Variants in ZNF594 observed in about 807,000 individuals in gnomAD.
ZNF594 encodes the protein zinc finger protein HZF18.
For synonymous variants in ZNF594, 336 were observed against 309.4 expected (o/e 1.09, Z -0.90); for missense variants, 1,037 against 964.6 (o/e 1.08, Z -0.99).
chr17:5,184,721 T>A (rs2074375198), intron 1 of ZNF594, among the ~76,000 whole-genome samples: 1 of 152,076 alleles, frequency 6.6e-6, no homozygotes. Flanking sequence ...AATAAATAAA[T>A]AAAAATAGAA....
chr17:5,183,425 G>C lies in ZNF594; in HGVS notation c.832C>G (p.Gln278Glu), dbSNP rs1291704701. Residue 278 changes from glutamine (Q) to glutamate (E), a missense_variant, in exon 2 of 2, where the codon CAA (glutamine) becomes GAA (glutamate). Physicochemically the swap from Gln to Glu is conservative, Grantham distance 29. Coordinates refer to ENST00000575779, the MANE Select transcript of ZNF594 (RefSeq NM_032530.2). ...ECYDCGQMFS[Q>E]SSHLVPHQRI... ...TGATGTGGGACAAGGTGTGAACTTT[G>C]ACTGAACATCTGTCCACAGTCATAA... The C allele has an allele frequency of 1.1e-5, 18 of 1,613,652 alleles. No homozygotes were observed. In the African/African-American group the frequency reaches 2.0e-4, roughly 18 times the overall value.
At position 5,184,163 on chromosome 17, in the gene ZNF594, A is replaced by G. The variant is rs2074371093; in HGVS notation, c.94T>C (p.Cys32Arg). ...GAATTACTGGTTTCAACTAACTCACATTCCTGGGTGATTTGTCTTTGGAGT... is the reference window on the plus strand; with the variant it reads ...GAATTACTGGTTTCAACTAACTCACGTTCCTGGGTGATTTGTCTTTGGAGT... ...EKLQRQITQE[C>R]ELVETSNSED... The change falls in exon 2 of 2, where the codon TGT becomes CGT. Residue 32 changes from cysteine to arginine, a missense_variant. Transcript: ENST00000575779. 1.2e-6 allele frequency: 2 copies of G among 1,614,044 alleles called. No individual in the cohort carries two copies. The highest frequency in any genetic ancestry group is 1.7e-5 in the Admixed American group (1 of 60,000).
chr17:5,189,039 G>A (rs1010629317), intron 1 of ZNF594, among the ~76,000 whole-genome samples: 8 of 150,312 alleles, frequency 5.3e-5, no homozygotes, highest in East Asian at 3.9e-4. Context: ...GAGCCACCAC[G>A]CCCAGCCAAA....
rs753917206 is a variant in ZNF594 at position 5,182,772 on chromosome 17, T to A, written c.1485A>T (p.Lys495Asn). 1 of 1,614,000 alleles carries A rather than the reference T, an allele frequency of 6.2e-7. No homozygotes were observed. Among genetic ancestry groups the A allele is most frequent in the South Asian group, 1.1e-5 (1 of 91,066 alleles). Reference protein sequence around the residue: ...EKPYQCTECGKAFRRRSLLIQ... With the variant: ...EKPYQCTECGNAFRRRSLLIQ... ...TAAGGAGTGAACGCCGCCTGAAGGC[T>A]TTCCCACATTCAGTGCACTGATAGG... Residue 495 changes from lysine to asparagine, a missense_variant, in exon 2 of 2, where the codon AAA (lysine) becomes AAT (asparagine). Transcript: ENST00000575779.
At position 5,182,077 on chromosome 17, in the gene ZNF594, T is replaced by C. The variant is rs747927124; in HGVS notation, c.2180A>G (p.Gln727Arg). The change falls in exon 2 of 2, where the codon CAG (glutamine) becomes CGG (arginine). Residue 727 changes from glutamine to arginine, a missense_variant. By Grantham distance (43) the Gln-to-Arg change is conservative (BLOSUM62 1). Coordinates refer to ENST00000575779, the MANE Select transcript of ZNF594 (RefSeq NM_032530.2). Reference sequence around the variant, plus strand: ...AAGTTTCTCTCCAGCATGCAGTCTCTGATGTTTGAGGAAAGCCGTGTGCCA... The same window carrying C: ...AAGTTTCTCTCCAGCATGCAGTCTCCGATGTTTGAGGAAAGCCGTGTGCCA... ...FMWHTAFLKH[Q>R]RLHAGEKLEE... The C allele has an allele frequency of 4.3e-6, 7 of 1,613,712 alleles. No homozygotes were observed. Among genetic ancestry groups the C allele is most frequent in the Middle Eastern group, 1.6e-4 (1 of 6,062 alleles).
Position 5,183,342 on chromosome 17 carries a change from C to T in ZNF594, c.915G>A (p.Arg305=), listed in dbSNP as rs1345730999. 1.2e-6 allele frequency: 2 copies of T among 1,613,742 alleles called. No individual in the cohort carries two copies. Among genetic ancestry groups the T allele is most frequent in the Admixed American group, 3.3e-5 (2 of 60,018 alleles). Residue 305 remains arginine, a synonymous_variant, in exon 2 of 2, where the codon AGG becomes AGA. Transcript: ENST00000575779. The stretch of plus-strand genomic sequence containing the variant: ...GGTGTTCAGTAAGGTGAGAATGCTG[C>T]CTGAAGGCTTTTTCACATTCATTAC... ...LKCNECEKAF[R]QHSHLTEHQR...
Position 5,181,505 on chromosome 17 carries a change from T to C in ZNF594, c.*328A>G. On this transcript the variant is annotated 3_prime_UTR_variant, in exon 2 of 2. Coordinates refer to ENST00000575779, the MANE Select transcript of ZNF594 (RefSeq NM_032530.2). Reference sequence around the variant, plus strand: ...TCTCTCCAGCATGCAGTCTCTGATGTTTGAGGAAAGCTGTGTGCCACATGA... The same window carrying C: ...TCTCTCCAGCATGCAGTCTCTGATGCTTGAGGAAAGCTGTGTGCCACATGA... 2 of 1,613,816 alleles carry C rather than the reference T, an allele frequency of 1.2e-6. No individual in the cohort carries two copies. The highest frequency in any genetic ancestry group is 8.5e-7 in the Non-Finnish European group (1 of 1,179,802).
rs138645027 is a variant in ZNF594, at chr17:5,182,422, A to C, written c.1835T>G (p.Leu612Arg). ...GKTFNQSSDL[L>R]RHHRIHSGEK... ...TCCACTGTGAATTCTATGATGTCTC[A>C]GAAGGTCTGAGCTCTGATTGAAAGT... Residue 612 changes from leucine to arginine, a missense_variant, in exon 2 of 2, where the codon CTG becomes CGG. By Grantham distance (102) the Leu-to-Arg change is moderately radical. Transcript: ENST00000575779. 8.4e-5 allele frequency: 136 copies of C among 1,613,756 alleles called. No homozygotes were observed. The Admixed American group carries it at 2.3e-3, about 27-fold the overall frequency.
Position 5,180,928 on chromosome 17 carries a change from G to C in ZNF594, c.*905C>G, listed in dbSNP as rs757365250. The stretch of plus-strand genomic sequence containing the variant: ...TTTCCTAGTTTTACTGCATTCATTA[G>C]GTTTCTGCTACCTATTAGAATAGGT... On this transcript the variant is annotated 3_prime_UTR_variant, in exon 2 of 2. Coordinates refer to ENST00000575779, the MANE Select transcript of ZNF594 (RefSeq NM_032530.2). The C allele has an allele frequency of 3.1e-6, 2 of 652,744 alleles. No homozygotes were observed. The highest frequency in any genetic ancestry group is 5.6e-6 in the Non-Finnish European group (2 of 356,252). The allele number at this position is 652,744 out of a possible 1,614,324, so 40.4% of individuals were successfully genotyped here.
intron 1 of ZNF594, among the ~76,000 whole-genome samples, chr17:5,187,628 A>T (rs1373362939): frequency 6.6e-6 from 1 of 152,214 alleles, no homozygotes; most frequent in Non-Finnish European, 1.5e-5. Flanking sequence ...CCACTTAATG[A>T]TGGGGAAACC....
rs8065086 is a variant in ZNF594, at chr17:5,191,069, C to T, written c.-21+679G>A. Among the ~76,000 whole-genome samples, 1,094 of 152,220 alleles carry T rather than the reference C, an allele frequency of 7.2e-3. 16 individuals are homozygous for T. Among genetic ancestry groups the T allele is most frequent in the African/African-American group, 0.025 (1,045 of 41,536 alleles). ...TTGCTTCAGCTAAAATCCCCCCTCC[C>T]CTATTTAGACCACGGTATAAAAACA... On this transcript the variant is annotated intron_variant, in intron 1 of 1. Transcript: ENST00000575779.
At chr17:5,179,273 C>T (rs1010016397), downstream of ZNF594, among the ~76,000 whole-genome samples, 3 of 146,254 alleles carry the variant, frequency 2.1e-5, no homozygotes, top group South Asian at 2.7e-4. Flanking sequence ...CTCACCAGGC[C>T]GGAGACGTTG....
Position 5,182,649 on chromosome 17 carries a change from G to T in ZNF594, c.1608C>A (p.Ser536Arg), listed in dbSNP as rs755171341. ...IWRTAFLKHQSLHTGEKLECE... is the reference protein window; with the variant it reads ...IWRTAFLKHQRLHTGEKLECE... ...ATTCAAGTTTCTCTCCAGTATGCAG[G>T]CTCTGATGTTTGAGGAAAGCTGTGC... is the stretch of plus-strand genomic sequence containing the variant. The change falls in exon 2 of 2, where the codon AGC becomes AGA. Residue 536 changes from serine (S) to arginine (R), a missense_variant. Ser to Arg is a moderately radical substitution (Grantham distance 110). Transcript: ENST00000575779. 17 of 1,613,260 alleles carry T rather than the reference G, an allele frequency of 1.1e-5. No homozygotes were observed. Among genetic ancestry groups the T allele is most frequent in the Middle Eastern group, 1.7e-4 (1 of 6,054 alleles).
rs1216903929 is a variant in ZNF594 at position 5,180,868 on chromosome 17, T to C, written c.*965A>G. The C allele has an allele frequency of 2.1e-6, 1 of 474,554 alleles. No homozygotes were observed. Among genetic ancestry groups the C allele is most frequent in the Admixed American group, 3.3e-5 (1 of 30,006 alleles). The allele number at this position is 474,554 out of a possible 1,614,324, so 29.4% of individuals were successfully genotyped here. A position where few individuals can be genotyped will look rare whatever the true frequency, so the allele number is the denominator to read the frequency against. ...CATGGTTTTTTTCTAATAAAACTCA[T>C]TTGTAGTGCAATAAGATGTGGTCTC... is the stretch of plus-strand genomic sequence containing the variant. On this transcript the variant is annotated 3_prime_UTR_variant, in exon 2 of 2. Coordinates refer to ENST00000575779, the MANE Select transcript of ZNF594 (RefSeq NM_032530.2).
chr17:5,184,400 G>T, intron 1 of ZNF594, 124 bp from the exon 2 acceptor site: 3 of 1,000,988 alleles, frequency 3.0e-6, no homozygotes, highest in Non-Finnish European at 4.3e-6. Flanking sequence ...AAGCTGAGAT[G>T]TGGCTTTCAC....
Position 5,181,439 on chromosome 17 carries a change from C to A in ZNF594, c.*394G>T. Reference sequence around the variant, plus strand: ...GGTGAATTTTCTGCTCTCCCCTAAGCTCCTCATCCTTGCTGAAGGTTTTCT... The same window carrying A: ...GGTGAATTTTCTGCTCTCCCCTAAGATCCTCATCCTTGCTGAAGGTTTTCT... On this transcript the variant is annotated 3_prime_UTR_variant, in exon 2 of 2. Coordinates refer to ENST00000575779, the MANE Select transcript of ZNF594 (RefSeq NM_032530.2). 1.2e-6 allele frequency: 2 copies of A among 1,613,790 alleles called. No individual in the cohort carries two copies. The highest frequency in any genetic ancestry group is 1.7e-6 in the Non-Finnish European group (2 of 1,179,718).
chr17:5,175,068 TCTC>T (rs2074295276), downstream of ZNF594: 1 of 176,192 alleles, frequency 5.7e-6, no homozygotes, highest in Non-Finnish European at 1.2e-5. Context: ...CTGTTTTAAT[TCTC>T]CTACTTGAAT....
rs750199608 is a variant in ZNF594 at position 5,183,667 on chromosome 17, T to C, written c.590A>G (p.Asn197Ser). 6.8e-6 allele frequency: 11 copies of C among 1,614,128 alleles called. No individual in the cohort carries two copies. The highest frequency in any genetic ancestry group is 4.5e-5 in the East Asian group (2 of 44,900). Residue 197 changes from asparagine to serine, a missense_variant, in exon 2 of 2, where the codon AAT becomes AGT. Asn to Ser is a conservative substitution (Grantham distance 46). Coordinates refer to ENST00000575779, the MANE Select transcript of ZNF594 (RefSeq NM_032530.2). ...GTGAATTTGCTTATGTCTCACCAGATTGGAGCTCTGATTGAAGTCTTTTCC... is the reference window on the plus strand; with the variant it reads ...GTGAATTTGCTTATGTCTCACCAGACTGGAGCTCTGATTGAAGTCTTTTCC... ...ECGKDFNQSS[N>S]LVRHKQIHSG...
Position 5,183,468 on chromosome 17 carries a change from T to C in ZNF594, c.789A>G (p.Gly263=). The C allele has an allele frequency of 1.9e-6, 3 of 1,614,068 alleles. No homozygotes were observed. The highest frequency in any genetic ancestry group is 2.5e-6 in the Non-Finnish European group (3 of 1,180,026). The change falls in exon 2 of 2, where the codon GGA becomes GGG. Residue 263 remains glycine (G), a synonymous_variant. Coordinates refer to ENST00000575779, the MANE Select transcript of ZNF594 (RefSeq NM_032530.2). ...AGTCATAACATTCATAGGGTTTCTC[T>C]CCAGTGTGAATTCTGTGATGTATAA... The part of the protein sequence containing the change: ...DLIIHHRIHT[G]EKPYECYDCG...
Sources: allele counts gnomAD v4.1 joint callset (sites outside exome capture counted in the v4.1 genomes callset), GRCh38; gene constraint gnomAD v4.1.1; transcripts MANE v1.5; gene names NCBI Gene and HGNC (gene_info 2026-07-23, HGNC 2026-07-21).